Variants in TNRC6B observed in about 807,000 individuals in gnomAD.
TNRC6B encodes the protein trinucleotide repeat-containing gene 6B protein.
A neutral mutation model predicts 203.6 loss-of-function variants in TNRC6B; 52 were observed. The ratio of observed to expected loss-of-function variants is 0.26; its 90% CI spans 0.20 to 0.32. TNRC6B has a LOEUF of 0.32. Ranked by LOEUF, TNRC6B falls within the 10% of genes least tolerant of loss-of-function variation. The pLI is 1.00. For synonymous variants in TNRC6B, 838 were observed against 845.7 expected (o/e 0.99, Z 0.16); for missense variants, 1,923 against 2,286.2 (o/e 0.84, Z 3.24).
At chr22:40,316,839 T>C (rs370849917) in intron 21 of TNRC6B, among the ~76,000 whole-genome samples, 5 of 152,320 alleles carry the variant, frequency 3.3e-5, no homozygotes, top group East Asian at 1.9e-4. Flanking sequence ...AAAGTGAAAG[T>C]TAGTTTTATA....
intron 1 of TNRC6B, among the ~76,000 whole-genome samples, chr22:40,066,710 G>A (rs1297400612): frequency 6.6e-6 from 1 of 151,946 alleles, no homozygotes; most frequent in Non-Finnish European, 1.5e-5. Context: ...TAGTTTGAAT[G>A]CTTCTCTATA....
intron 1 of TNRC6B, among the ~76,000 whole-genome samples, chr22:40,092,156 A>G (rs2068155632): frequency 6.6e-6 from 1 of 152,228 alleles, no homozygotes; most frequent in South Asian, 2.1e-4. Context: ...TAATCCCAAC[A>G]CTTTGGGAGG....
chr22:40,321,252 A>T, intron 22 of TNRC6B, 23 bp downstream of exon 22: 1 of 1,609,486 alleles, frequency 6.2e-7, no homozygotes, highest in Non-Finnish European at 8.5e-7. Context: ...TCCTACACCC[A>T]CGTAGACAAA....
At chr22:40,259,923 C>T (rs1235597181) in intron 3 of TNRC6B, among the ~76,000 whole-genome samples, 2 of 152,180 alleles carry the variant, frequency 1.3e-5, no homozygotes, top group Non-Finnish European at 2.9e-5. Context: ...TTCTGTACGA[C>T]TTCCAGCCTC....
At chr22:40,057,929 A>T (rs1393854310) in intron 1 of TNRC6B, among the ~76,000 whole-genome samples, 2 of 152,238 alleles carry the variant, frequency 1.3e-5, no homozygotes, top group Non-Finnish European at 2.9e-5. Context: ...TTCCTGTTAG[A>T]TGTACCATGG....
At chr22:40,219,988 C>T (rs755954036) in intron 1 of TNRC6B, among the ~76,000 whole-genome samples, 2 of 152,128 alleles carry the variant, frequency 1.3e-5, no homozygotes, top group African/African-American at 2.4e-5. Context: ...GGGGGAAAAA[C>T]GGGTTTTATT....
intron 16 of TNRC6B, 62 bp from the exon 17 acceptor site, chr22:40,310,748 GAATAAAA>G: frequency 1.0e-5 from 15 of 1,454,936 alleles, no homozygotes; most frequent in Non-Finnish European, 1.2e-5. Flanking sequence ...GCATTCCAGC[GAATAAAA>G]AATAGACAAG....
Position 40,324,925 on chromosome 22 carries a change from T to C in TNRC6B, c.*1684T>C, listed in dbSNP as rs1181492926. ...GGGCCGAACAGGGGTCAACGTTTAA[T>C]CTACAGTTATCACCAACATGTATGT... On this transcript the variant is annotated 3_prime_UTR_variant, in exon 23 of 23. Coordinates refer to ENST00000454349, the MANE Select transcript of TNRC6B (RefSeq NM_001162501.2). 6.6e-6 allele frequency: 1 copy of C among 152,532 alleles called. No homozygotes were observed. Among genetic ancestry groups the C allele is most frequent in the African/African-American group, 2.4e-5 (1 of 41,418 alleles). The allele number at this position is 152,532 out of a possible 1,614,324, so 9.4% of individuals were successfully genotyped here. A position where few individuals can be genotyped will look rare whatever the true frequency, so the allele number is the denominator to read the frequency against.
rs374230971 is a variant in TNRC6B at position 40,283,261 on chromosome 22, A to T, written c.3582+1972A>T. Among the ~76,000 whole-genome samples the T allele has an allele frequency of 8.0e-4, 121 of 152,152 alleles. 4 individuals carry two copies. In the South Asian group the frequency reaches 0.017, roughly 22 times the overall value. ...CACCATGTTAGCCGGGATGGTCTCA[A>T]TCTCCTGACCTCGTGATCCGCCCGC... is the stretch of plus-strand genomic sequence containing the variant. On this transcript the variant is annotated intron_variant, in intron 11 of 22. Transcript: ENST00000454349.
intron 1 of TNRC6B, among the ~76,000 whole-genome samples, chr22:40,055,183 G>C (rs1341759595): frequency 6.6e-6 from 1 of 152,214 alleles, no homozygotes; most frequent in Non-Finnish European, 1.5e-5. Context: ...GGAATGCACA[G>C]CCAGGTGGGT....
At chr22:40,054,525 T>A (rs2067777128) in intron 1 of TNRC6B, among the ~76,000 whole-genome samples, 1 of 152,188 alleles carries the variant, frequency 6.6e-6, no homozygotes, top group South Asian at 2.1e-4. Context: ...AATGACTTCC[T>A]AATCACCCCG....
In TNRC6B at chr22:40,300,387, A is replaced by G. The variant is rs893527263; in HGVS notation, c.3709-68A>G. ...ATTCATCAAGATTCTTTTCACAGAA[A>G]AACAGTTTTATTTTGATAAATTCTG... is the stretch of plus-strand genomic sequence containing the variant. On this transcript the variant is annotated intron_variant, in intron 12 of 22. Coordinates refer to ENST00000454349, the MANE Select transcript of TNRC6B (RefSeq NM_001162501.2). 6.4e-6 allele frequency: 9 copies of G among 1,411,466 alleles called. No homozygotes were observed. The African/African-American group carries it at 1.3e-4, about 21-fold the overall frequency. 87.4% of individuals were successfully genotyped at this position (1,411,466 alleles called of 1,614,324 possible).
At chr22:40,249,242 C>T (rs1244576779) in intron 2 of TNRC6B, among the ~76,000 whole-genome samples, 5 of 152,200 alleles carry the variant, frequency 3.3e-5, no homozygotes, top group African/African-American at 1.2e-4. Flanking sequence ...AGGGCAGTGC[C>T]TGGTGCAGGA....
chr22:40,109,563 C>T (rs545569435), intron 1 of TNRC6B, among the ~76,000 whole-genome samples: 4 of 152,054 alleles, frequency 2.6e-5, no homozygotes, highest in African/African-American at 7.2e-5. Flanking sequence ...GTTTGTTGGC[C>T]GAATAAATGA....
chr22:40,215,188 T>C (rs552409259), intron 1 of TNRC6B, among the ~76,000 whole-genome samples: 2 of 152,358 alleles, frequency 1.3e-5, no homozygotes, highest in African/African-American at 4.8e-5. Flanking sequence ...TGATGTATCT[T>C]ACAATCACTG....
chr22:40,303,125 G>A (rs1434603802), intron 15 of TNRC6B, among the ~76,000 whole-genome samples: 3 of 145,648 alleles, frequency 2.1e-5, no homozygotes, highest in African/African-American at 7.8e-5. Context: ...CACCTCCCAG[G>A]TTCAAGCGAT....
intron 3 of TNRC6B, among the ~76,000 whole-genome samples, chr22:40,256,796 C>T (rs2070285768): frequency 6.6e-6 from 1 of 152,150 alleles, no homozygotes; most frequent in African/African-American, 2.4e-5. Flanking sequence ...AGAGCTGAAG[C>T]ACTAGCTGGA....
intron 12 of TNRC6B, among the ~76,000 whole-genome samples, chr22:40,289,105 G>A (rs973088449): frequency 6.6e-6 from 1 of 151,958 alleles, no homozygotes; most frequent in South Asian, 2.1e-4. Context: ...GTGAGCCACC[G>A]CGCCCAGCCT....
intron 3 of TNRC6B, among the ~76,000 whole-genome samples, chr22:40,253,102 CTT>C (rs67113294): frequency 2.5e-4 from 35 of 141,902 alleles, no homozygotes; most frequent in Admixed American, 1.5e-3. Context: ...TTCTTTTTTT[CTT>C]TTTTTTTTTT....
Sources: allele counts gnomAD v4.1 joint callset (sites outside exome capture counted in the v4.1 genomes callset), GRCh38; gene constraint gnomAD v4.1.1; transcripts MANE v1.5; gene names NCBI Gene and HGNC (gene_info 2026-07-23, HGNC 2026-07-21).